The following GPHN variants were observed in gnomAD, a reference collection of about 807,000 sequenced individuals.
GPHN encodes gephyrin.
Under a neutral mutation model 95.5 loss-of-function variants are expected in GPHN, and 17 were observed. That is an observed-to-expected ratio of 0.18 (90% CI 0.12 to 0.27). GPHN has a LOEUF of 0.27. GPHN is among the 10% of genes least tolerant of loss of function. The pLI is 1.00. For missense variants in GPHN, 660 were observed against 978.1 expected, an observed-to-expected ratio of 0.67 and a Z score of 4.34; for synonymous variants, 320 against 322.5, an observed-to-expected ratio of 0.99 and a Z score of 0.08.
chr14:66,740,364 C>T (rs1316345497), intron 2 of GPHN, among the ~76,000 whole-genome samples: 1 of 151,964 alleles, frequency 6.6e-6, no homozygotes, highest in Non-Finnish European at 1.5e-5. Context: ...TACATTTATA[C>T]ATTGATCTCA....
chr14:66,701,380 T>A (rs557388074), intron 2 of GPHN, among the ~76,000 whole-genome samples: 20 of 152,356 alleles, frequency 1.3e-4, no homozygotes, highest in African/African-American at 4.8e-4. Context: ...GCGGCCATGA[T>A]GGCTGACTAG....
chr14:67,587,344 T>C, the GPHN span: 125 of 1,250,558 alleles, frequency 1.0e-4, no homozygotes, highest in Non-Finnish European at 1.4e-4. Context: ...CGGCTACTCT[T>C]GTTCTGTGAA....
the GPHN span, among the ~76,000 whole-genome samples, chr14:67,422,233 A>G: frequency 2.6e-5 from 4 of 152,156 alleles, no homozygotes; most frequent in Non-Finnish European, 5.9e-5. Context: ...CCTCCATAAC[A>G]TTCAAACTAG....
intron 2 of GPHN, among the ~76,000 whole-genome samples, chr14:66,721,866 G>T (rs2070768661): frequency 6.7e-6 from 1 of 149,602 alleles, no homozygotes; most frequent in African/African-American, 2.5e-5. Flanking sequence ...CAGGAGAATT[G>T]CTTGAACCTG....
intron 17 of GPHN, among the ~76,000 whole-genome samples, chr14:67,127,537 T>C (rs942188851): frequency 6.6e-6 from 1 of 152,216 alleles, no homozygotes; most frequent in Non-Finnish European, 1.5e-5. Context: ...GGAGATCTTA[T>C]TGAAAATGTT....
At chr14:67,596,305 T>TC in the GPHN span, among the ~76,000 whole-genome samples, 1 of 137,992 alleles carries the variant, frequency 7.2e-6, no homozygotes, top group African/African-American at 2.6e-5. Flanking sequence ...ATTTTTTTTT[T>TC]TTTTTTTTTT....
the GPHN span, among the ~76,000 whole-genome samples, chr14:67,296,187 C>G: frequency 3.3e-5 from 5 of 151,870 alleles, no homozygotes; most frequent in Non-Finnish European, 5.9e-5. Context: ...GAGAATATAC[C>G]AGGAAGCGTA....
At chr14:66,702,652 G>T (rs1322523317) in intron 2 of GPHN, among the ~76,000 whole-genome samples, 1 of 152,128 alleles carries the variant, frequency 6.6e-6, no homozygotes, top group African/African-American at 2.4e-5. Context: ...CCATCCAAGG[G>T]TCAGCATCCT....
At chr14:67,479,313 G>T in the GPHN span, among the ~76,000 whole-genome samples, 1 of 151,492 alleles carries the variant, frequency 6.6e-6, no homozygotes, top group Admixed American at 6.6e-5. Flanking sequence ...GGCTGAGGCA[G>T]AAGAATTGCT....
intron 1 of GPHN, among the ~76,000 whole-genome samples, chr14:66,588,317 C>T (rs1008734838): frequency 1.3e-5 from 2 of 151,892 alleles, no homozygotes; most frequent in African/African-American, 4.8e-5. Flanking sequence ...TTCCAAAAAC[C>T]AGAATGCCTC....
At chr14:67,433,726 A>T in the GPHN span, among the ~76,000 whole-genome samples, 1 of 152,232 alleles carries the variant, frequency 6.6e-6, no homozygotes, top group African/African-American at 2.4e-5. Context: ...AAAGTTGGCC[A>T]GGGTAATAGA....
chr14:67,572,395 G>T, the GPHN span: 1 of 379,628 alleles, frequency 2.6e-6, no homozygotes. Context: ...AGAGCTGGGG[G>T]ATGGGGGCAG....
chr14:67,363,793 T>C, the GPHN span, among the ~76,000 whole-genome samples: 1 of 152,162 alleles, frequency 6.6e-6, no homozygotes, highest in South Asian at 2.1e-4. Context: ...ATTATATGAA[T>C]TTTCACAAGG....
the GPHN span, among the ~76,000 whole-genome samples, chr14:67,439,149 T>C: frequency 6.6e-6 from 1 of 152,222 alleles, no homozygotes; most frequent in African/African-American, 2.4e-5. Flanking sequence ...TGTGACTTCA[T>C]TATTTTGTCT....
the GPHN span, among the ~76,000 whole-genome samples, chr14:67,409,228 G>A: frequency 6.6e-6 from 1 of 151,972 alleles, no homozygotes; most frequent in South Asian, 2.1e-4. Flanking sequence ...GGGCAACAGA[G>A]TGAGACCCTC....
chr14:67,569,334 C>T, the GPHN span: 1 of 653,966 alleles, frequency 1.5e-6, no homozygotes, highest in Non-Finnish European at 2.7e-6. Context: ...TACCCTGTTC[C>T]CCTCCCCAGC....
At chr14:67,599,980 G>T in the GPHN span, 3 of 1,501,806 alleles carry the variant, frequency 2.0e-6, no homozygotes, top group South Asian at 1.3e-5. Context: ...TCCCAAAGCC[G>T]AACCCCCTCC....
Position 67,100,856 on chromosome 14 carries a change from C to T in GPHN, c.1238C>T (p.Ala413Val), listed in dbSNP as rs1555490611. 1 of 1,600,020 alleles carries T rather than the reference C, an allele frequency of 6.2e-7. No individual in the cohort carries two copies. Among genetic ancestry groups the T allele is most frequent in the Non-Finnish European group, 8.6e-7 (1 of 1,167,082 alleles). The change falls in exon 13 of 23, where the codon GCT (alanine) becomes GTT (valine). Residue 413 changes from alanine (A) to valine (V), a missense_variant and splice_region_variant. Around this residue, in one of 6 missense-constraint regions of GPHN, gnomAD observed 257 missense variants for 376.2 expected, o/e 0.68. Transcript: ENST00000478722. Reference sequence around the variant, plus strand: ...TTCTTGGCTCTGTTCCATCTCACAGCTGCTGATGGCCCAGGAGATCGTTTC... The same window carrying T: ...TTCTTGGCTCTGTTCCATCTCACAGTTGCTGATGGCCCAGGAGATCGTTTC... ...ASVKDGYAVR[A>V]ADGPGDRFII...
chr14:66,951,977 T>A (rs1267933998), intron 8 of GPHN, among the ~76,000 whole-genome samples: 1 of 152,220 alleles, frequency 6.6e-6, no homozygotes, highest in African/African-American at 2.4e-5. Context: ...TACAGAACAA[T>A]GTTTTTATTA....
Sources: allele counts gnomAD v4.1 joint callset (sites outside exome capture counted in the v4.1 genomes callset), GRCh38; gene constraint gnomAD v4.1.1; regional missense constraint gnomAD v4.1.1; transcripts MANE v1.5; gene names NCBI Gene and HGNC (gene_info 2026-07-23, HGNC 2026-07-21).